Variants in PRC1 observed in about 807,000 individuals in gnomAD.
The protein encoded by PRC1 is protein regulator of cytokinesis 1, also known as anaphase spindle elongation 1 homolog.
In PRC1, 54 loss-of-function variants were observed where a neutral mutation model predicts 91.2. The observed-to-expected ratio is 0.59, with a 90% CI of 0.48 to 0.74. The LOEUF (loss-of-function observed/expected upper bound fraction) is 0.74, where lower values mean the gene tolerates loss of function less well. PRC1 is among the 30% of genes least tolerant of loss of function. The pLI is 0.00. For synonymous variants in PRC1, 275 were observed against 263.6 expected, an observed-to-expected ratio of 1.04 and a Z score of -0.42; for missense variants, 727 against 746.2, an observed-to-expected ratio of 0.97 and a Z score of 0.30.
Position 90,981,738 on chromosome 15 carries a change from G to A in PRC1, c.501+10C>T, listed in dbSNP as rs765447768. ...GTGACTTTTAGGAAGAACAAATGTA[G>A]GCAGTGTACCTTTGTTTCCCTCAAA... is the stretch of plus-strand genomic sequence containing the variant. On this transcript the variant is annotated intron_variant, in intron 4 of 14. Coordinates refer to ENST00000394249, the MANE Select transcript of PRC1 (RefSeq NM_003981.4). 1.2e-6 allele frequency: 2 copies of A among 1,608,986 alleles called. No individual in the cohort carries two copies. The highest frequency in any genetic ancestry group is 1.7e-6 in the Non-Finnish European group (2 of 1,176,204).
Position 90,967,013 on chromosome 15 carries a change from A to G in PRC1, c.*118T>C. ...ACATCTTTAAGTTAGGCCCATGGTC[A>G]TGGAACCTGGCCAAGGTTTCAAGCA... On this transcript the variant is annotated 3_prime_UTR_variant, in exon 15 of 15. Coordinates refer to ENST00000394249, the MANE Select transcript of PRC1 (RefSeq NM_003981.4). 1.2e-6 allele frequency: 1 copy of G among 866,498 alleles called. No homozygotes were observed. Among genetic ancestry groups the G allele is most frequent in the Non-Finnish European group, 1.9e-6 (1 of 528,728 alleles). The allele number at this position is 866,498 out of a possible 1,614,324, so 53.7% of individuals were successfully genotyped here.
intron 11 of PRC1, among the ~76,000 whole-genome samples, chr15:90,973,583 C>T (rs557978639): frequency 3.3e-5 from 5 of 152,148 alleles, no homozygotes; most frequent in South Asian, 2.1e-4. Flanking sequence ...CCCCTGGGAA[C>T]GGAATATCTC....
Position 90,967,153 on chromosome 15 carries a change from T to C in PRC1, c.1841A>G (p.Asn614Ser), listed in dbSNP as rs1326479679. The change falls in exon 15 of 15, where the codon AAT becomes AGT. Residue 614 changes from asparagine (N) to serine (S), a missense_variant. Asn to Ser is a conservative substitution (Grantham distance 46, BLOSUM62 1). Transcript: ENST00000394249. ...TTCTCAGGACTGGATGTTGGTTGAA[T>C]TGAGGATTCCAGAAGTAGCATCAGA... Reference protein sequence around the residue: ...SKSDATSGILNSTNIQS With the variant: ...SKSDATSGILSSTNIQS 2 of 1,614,132 alleles carry C rather than the reference T, an allele frequency of 1.2e-6. No individual in the cohort carries two copies. The highest frequency in any genetic ancestry group is 1.7e-5 in the Admixed American group (1 of 60,018).
intron 5 of PRC1, 73 bp from the exon 6 acceptor site, chr15:90,981,106 A>G: frequency 6.3e-7 from 1 of 1,582,938 alleles, no homozygotes. Context: ...CCTCCCGCAA[A>G]GAAATGTCTG....
chr15:90,970,471 A>G lies in PRC1; in HGVS notation c.1505T>C (p.Ile502Thr). Residue 502 changes from isoleucine (I) to threonine (T), a missense_variant, in exon 12 of 15, where the codon ATT becomes ACT. Ile to Thr is a moderately conservative substitution (Grantham distance 89, BLOSUM62 -1). Transcript: ENST00000394249. ...GACTGTCCCTCCAAAGATAGGCCGA[A>G]TGCTACTATTGGCCGTAGCATTGGA... ...TMSNATANSS[I>T]RPIFGGTVYH... is the part of the protein sequence containing the mutation. The G allele has an allele frequency of 6.2e-7, 1 of 1,613,966 alleles. No homozygotes were observed. Among genetic ancestry groups the G allele is most frequent in the Non-Finnish European group, 8.5e-7 (1 of 1,179,842 alleles).
At chr15:90,980,512 C>CTTTTT (rs35250469) in intron 6 of PRC1, 123 bp from the exon 7 acceptor site, 71 of 492,768 alleles carry the variant, frequency 1.4e-4, no homozygotes, top group African/African-American at 3.6e-4. Context: ...TAAATCAACA[C>CTTTTT]TTTTTTTTTT....
rs1288460641 is a variant in PRC1 at position 90,974,222 on chromosome 15, C to CT, written c.1374dup (p.Glu459ArgfsTer14). ...GCGCTGCCATACAGCATCTCTGTCT[C>CT]TGTCTGTTTTTTGTTCTTCAGTTGC... is the stretch of plus-strand genomic sequence containing the variant. On this transcript the variant is annotated frameshift_variant, in exon 11 of 15. Coordinates refer to ENST00000394249, the MANE Select transcript of PRC1 (RefSeq NM_003981.4). LOFTEE classifies it high-confidence loss of function. The surrounding 1 kb of genome is among the most constrained non-coding windows in gnomAD (Gnocchi z 4.6). 10 of 1,614,174 alleles carry CT rather than the reference C, an allele frequency of 6.2e-6. No homozygotes were observed. The highest frequency in any genetic ancestry group is 8.5e-6 in the Non-Finnish European group (10 of 1,180,004).
Position 90,970,479 on chromosome 15 carries a change from A to G in PRC1, c.1497T>C (p.Asn499=). ...CTCCAAAGATAGGCCGAATGCTACT[A>G]TTGGCCGTAGCATTGGACATGGTGG... ...NTTTMSNATA[N]SSIRPIFGGT... is the part of the protein sequence containing the mutation. Residue 499 remains asparagine (N), a synonymous_variant, in exon 12 of 15, where the codon AAT becomes AAC. Transcript: ENST00000394249. The G allele has an allele frequency of 6.2e-7, 1 of 1,613,704 alleles. No homozygotes were observed. Among genetic ancestry groups the G allele is most frequent in the Non-Finnish European group, 8.5e-7 (1 of 1,179,656 alleles).
rs900061350 is a variant in PRC1 at position 90,980,478 on chromosome 15, T to C, written c.823-89A>G. 11 of 1,341,638 alleles carry C rather than the reference T, an allele frequency of 8.2e-6. No homozygotes were observed. The African/African-American group carries it at 1.0e-4, about 13-fold the overall frequency. The allele number at this position is 1,341,638 out of a possible 1,614,324, so 83.1% of individuals were successfully genotyped here. The stretch of plus-strand genomic sequence containing the variant: ...GATCCCCCCCTTTTAAGTAAAATTA[T>C]AATGCAAAGCCACAAAGGTATTATA... On this transcript the variant is annotated intron_variant, in intron 6 of 14. Transcript: ENST00000394249.
intron 14 of PRC1, chr15:90,968,810 G>C (rs1439591922): frequency 1.6e-6 from 2 of 1,264,354 alleles, no homozygotes; most frequent in Non-Finnish European, 2.0e-6. Context: ...TGTCACAATT[G>C]GGGAGGGTCA....
chr15:90,986,378 C>T (rs2039574869), intron 1 of PRC1, among the ~76,000 whole-genome samples: 1 of 152,156 alleles, frequency 6.6e-6, no homozygotes, highest in Admixed American at 6.5e-5. Context: ...CCTGTAATTC[C>T]AGGACTCTGG....
chr15:90,969,521 C>T lies in PRC1; in HGVS notation c.1675G>A (p.Gly559Arg). ...TGGAGGGGGGCCGAGCCAGGGTACCCACCACTCAGGATGCTGCCGTTGAGC... is the reference window on the plus strand; with the variant it reads ...TGGAGGGGGGCCGAGCCAGGGTACCTACCACTCAGGATGCTGCCGTTGAGC... ...LELNGSILSGGYPGSAPLQRN... is the reference protein window; with the variant it reads ...LELNGSILSGRYPGSAPLQRN... The change falls in exon 13 of 15, where the codon GGG becomes AGG. Residue 559 changes from glycine (G) to arginine (R), a missense_variant. Physicochemically the swap from Gly to Arg is moderately radical, Grantham distance 125. Coordinates refer to ENST00000394249, the MANE Select transcript of PRC1 (RefSeq NM_003981.4). The T allele has an allele frequency of 1.2e-6, 2 of 1,613,608 alleles. No homozygotes were observed. Among genetic ancestry groups the T allele is most frequent in the Non-Finnish European group, 1.7e-6 (2 of 1,179,670 alleles).
chr15:90,974,377 C>T lies in PRC1; in HGVS notation c.1351-131G>A, dbSNP rs1277665423. 3.2e-5 allele frequency: 34 copies of T among 1,070,434 alleles called. No individual in the cohort carries two copies. Among genetic ancestry groups the T allele is most frequent in the East Asian group, 2.5e-4 (10 of 39,602 alleles). 66.3% of individuals were successfully genotyped at this position (1,070,434 alleles called of 1,614,324 possible). ...AGCTAAAGAGCTGCCGCGGGCTCCC[C>T]GTTCCACAAGCCCCGGTCCCCGGCT... is the stretch of plus-strand genomic sequence containing the variant. On this transcript the variant is annotated intron_variant, in intron 10 of 14. Transcript: ENST00000394249. This position sits in a 1 kb window ranked among gnomAD's most constrained non-coding sequence, Gnocchi z 4.6.
intron 1 of PRC1, chr15:90,988,336 A>G (rs1319482902): frequency 6.6e-6 from 1 of 152,194 alleles, no homozygotes; most frequent in Non-Finnish European, 1.5e-5. Context: ...TCATTACTTA[A>G]GTATCCCAGT....
chr15:90,986,906 C>G (rs1176792373), intron 1 of PRC1, among the ~76,000 whole-genome samples: 1 of 148,762 alleles, frequency 6.7e-6, no homozygotes, highest in Non-Finnish European at 1.5e-5. Context: ...AAAAAAAACA[C>G]TTTAGGCTGA....
At chr15:90,986,202 A>G (rs1204954456) in intron 1 of PRC1, among the ~76,000 whole-genome samples, 1 of 152,242 alleles carries the variant, frequency 6.6e-6, no homozygotes, top group East Asian at 1.9e-4. Context: ...AAATGAACAC[A>G]TACGTTCACC....
chr15:90,990,276 C>CA (rs1182122416), intron 1 of PRC1, among the ~76,000 whole-genome samples: 2 of 151,248 alleles, frequency 1.3e-5, no homozygotes, highest in African/African-American at 4.9e-5. Context: ...GTGGAGGTTG[C>CA]AGTGACCTGA....
intron 13 of PRC1, 147 bp from the exon 14 acceptor site, chr15:90,969,267 C>A (rs2037833550): frequency 1.7e-6 from 2 of 1,192,638 alleles, no homozygotes; most frequent in Non-Finnish European, 2.4e-6. Context: ...CTGCCAACTT[C>A]CTTCCTACAC....
At chr15:90,981,369 C>A in intron 5 of PRC1, 130 bp downstream of exon 5, 1 of 1,076,668 alleles carries the variant, frequency 9.3e-7, no homozygotes, top group Non-Finnish European at 1.3e-6. Context: ...TCATATATTA[C>A]TATCCTTAGC....
Sources: gnomAD v4.1 joint callset for allele counts (sites outside exome capture counted in the v4.1 genomes callset) on GRCh38, gnomAD v4.1.1 for gene constraint, Gnocchi (gnomAD v3.1) non-coding constraint, MANE v1.5 for transcripts, NCBI Gene and HGNC (gene_info 2026-07-23, HGNC 2026-07-21) for gene names.